The following BMPR1B variants were observed in gnomAD, a reference collection of about 807,000 sequenced individuals.
BMPR1B encodes the protein bone morphogenetic protein receptor type-1B.
Under a neutral mutation model 59.1 loss-of-function variants are expected in BMPR1B, and 12 were observed. The observed-to-expected ratio is 0.20, with a 90% CI of 0.13 to 0.33. The LOEUF (loss-of-function observed/expected upper bound fraction) is 0.33. Among genes scored for constraint, BMPR1B ranks in the 10% least tolerant of loss-of-function variants. The pLI, the probability that BMPR1B is intolerant of heterozygous loss-of-function variation, is 1.00. For synonymous variants in BMPR1B, 237 were observed against 207.3 expected, an observed-to-expected ratio of 1.14 and a Z score of -1.23; for missense variants, 550 against 610.9, an observed-to-expected ratio of 0.90 and a Z score of 1.05.
chr4:95,130,151 G>A (rs1031737541), intron 9 of BMPR1B, 97 bp downstream of exon 9: 1 of 1,439,096 alleles, frequency 6.9e-7, no homozygotes, highest in Non-Finnish European at 9.6e-7. Context: ...TAGACCCGTT[G>A]CGAAATGTAT....
intron 3 of BMPR1B, among the ~76,000 whole-genome samples, chr4:95,042,140 G>A (rs1725703101): frequency 6.6e-6 from 1 of 152,238 alleles, no homozygotes; most frequent in East Asian, 1.9e-4. Context: ...ACAGGCGTGA[G>A]CCACCATGCC....
At chr4:94,989,469 T>G (rs1239940287) in intron 2 of BMPR1B, among the ~76,000 whole-genome samples, 1 of 151,968 alleles carries the variant, frequency 6.6e-6, no homozygotes, top group Non-Finnish European at 1.5e-5. Context: ...AAGCATTAAA[T>G]TAAAGCATTA....
intron 2 of BMPR1B, among the ~76,000 whole-genome samples, chr4:94,953,046 T>A (rs1214047800): frequency 3.3e-5 from 5 of 152,198 alleles, no homozygotes; most frequent in Admixed American, 6.5e-5. Context: ...TCTTTGTTGG[T>A]TTAAAGTCTG....
intron 2 of BMPR1B, among the ~76,000 whole-genome samples, chr4:94,956,914 A>G (rs963660420): frequency 1.3e-5 from 2 of 152,166 alleles, no homozygotes; most frequent in African/African-American, 4.8e-5. Context: ...AAAACTGCAT[A>G]TTTTCAAGTA....
intron 3 of BMPR1B, among the ~76,000 whole-genome samples, chr4:95,021,410 C>T (rs914970571): frequency 2.0e-5 from 3 of 152,166 alleles, no homozygotes; most frequent in African/African-American, 7.2e-5. Flanking sequence ...GCATATTATT[C>T]AGGCTTTGGT....
intron 3 of BMPR1B, among the ~76,000 whole-genome samples, chr4:95,013,407 T>TC (rs1723358445): frequency 6.6e-6 from 1 of 152,172 alleles, no homozygotes; most frequent in South Asian, 2.1e-4. Flanking sequence ...AGGTCAGTAC[T>TC]AAAGGACCCA....
At position 95,139,313 on chromosome 4, in the gene BMPR1B, C is replaced by T. The variant is rs554262365; in HGVS notation, c.1076+7801C>T. The stretch of plus-strand genomic sequence containing the variant: ...AGGGGCACCTGGCTGTATGAGGTGT[C>T]AGTCGGCCCCTACTGGGAGGTGCCT... On this transcript the variant is annotated intron_variant, in intron 10 of 12. Coordinates refer to ENST00000515059, the MANE Select transcript of BMPR1B (RefSeq NM_001203.3). Among the ~76,000 whole-genome samples, 3 of 152,282 alleles carry T rather than the reference C, an allele frequency of 2.0e-5. No individual in the cohort carries two copies. In the South Asian group the frequency reaches 6.2e-4, roughly 32 times the overall value.
chr4:95,145,821 A>G (rs971524429), intron 10 of BMPR1B, among the ~76,000 whole-genome samples: 13 of 152,220 alleles, frequency 8.5e-5, no homozygotes, highest in Non-Finnish European at 1.9e-4. Flanking sequence ...ACTTGCCAAT[A>G]GGTTGATAGT....
intron 3 of BMPR1B, among the ~76,000 whole-genome samples, chr4:95,086,813 A>G (rs1483109568): frequency 2.0e-5 from 3 of 152,198 alleles, no homozygotes; most frequent in Admixed American, 2.0e-4. Context: ...TAGTTGACAT[A>G]ACACACACCT....
chr4:95,055,792 T>TACATA lies in BMPR1B; in HGVS notation c.-17-48616_-17-48615insACATA, dbSNP rs1726883925. 7.2e-5 allele frequency among the ~76,000 whole-genome samples: 11 copies of TACATA among 152,342 alleles called. No individual in the cohort carries two copies. The South Asian group carries it at 2.3e-3, about 32-fold the overall frequency. On this transcript the variant is annotated intron_variant, in intron 3 of 12. Transcript: ENST00000515059. ...AGCAACCGTATGCAAGTCTTATCTG[T>TACATA]GTATAAATGTCTGTACATAGTATAA...
chr4:94,859,545 A>G (rs77761270), intron 1 of BMPR1B, among the ~76,000 whole-genome samples: 2,736 of 152,262 alleles, frequency 0.018, 73 homozygotes, highest in African/African-American at 0.063. Flanking sequence ...GATCTTGTGC[A>G]TATGTATTTT....
intron 2 of BMPR1B, among the ~76,000 whole-genome samples, chr4:94,915,879 CT>C (rs1203007769): frequency 2.0e-5 from 3 of 152,154 alleles, no homozygotes; most frequent in Non-Finnish European, 4.4e-5. Flanking sequence ...GGTCAGATCC[CT>C]CATGGCTTGA....
chr4:95,144,896 T>A (rs1038687420), intron 10 of BMPR1B, among the ~76,000 whole-genome samples: 1 of 152,200 alleles, frequency 6.6e-6, no homozygotes, highest in Non-Finnish European at 1.5e-5. Context: ...TTTTATCCAG[T>A]TTATTTATAT....
At chr4:94,819,822 A>G (rs189367154) in intron 1 of BMPR1B, among the ~76,000 whole-genome samples, 10 of 152,362 alleles carry the variant, frequency 6.6e-5, no homozygotes, top group African/African-American at 1.9e-4. Context: ...ATTTGAACAC[A>G]GTTGGTAGTA....
chr4:95,009,226 G>A (rs946754029), intron 3 of BMPR1B, among the ~76,000 whole-genome samples: 1 of 152,114 alleles, frequency 6.6e-6, no homozygotes, highest in Non-Finnish European at 1.5e-5. Flanking sequence ...AATTGAAACC[G>A]AACATAAACA....
At chr4:94,758,617 A>G (rs757499358) in intron 1 of BMPR1B, among the ~76,000 whole-genome samples, 96 of 152,088 alleles carry the variant, frequency 6.3e-4, no homozygotes, top group Non-Finnish European at 1.2e-3. Context: ...CGTGGGGGAA[A>G]GTGCGCAGCG....
chr4:94,954,753 A>G (rs922724937), intron 2 of BMPR1B, among the ~76,000 whole-genome samples: 1 of 152,156 alleles, frequency 6.6e-6, no homozygotes, highest in Admixed American at 6.5e-5. Context: ...ATATATCTCA[A>G]AAGGGATATT....
At chr4:94,985,206 A>T (rs990073344) in intron 2 of BMPR1B, among the ~76,000 whole-genome samples, 3 of 152,164 alleles carry the variant, frequency 2.0e-5, no homozygotes, top group Non-Finnish European at 2.9e-5. Flanking sequence ...GGTCTTGATT[A>T]AAAAAATCAG....
intron 1 of BMPR1B, among the ~76,000 whole-genome samples, chr4:94,831,429 A>G (rs888096864): frequency 4.6e-5 from 7 of 152,198 alleles, no homozygotes; most frequent in Non-Finnish European, 8.8e-5. Flanking sequence ...TTTATAACAT[A>G]GATTAGTTAA....
Sources: gnomAD v4.1 joint callset for allele counts (sites outside exome capture counted in the v4.1 genomes callset) on GRCh38, gnomAD v4.1.1 for gene constraint, MANE v1.5 for transcripts, NCBI Gene and HGNC (gene_info 2026-07-23, HGNC 2026-07-21) for gene names.